Variants in KCNB2 observed in about 807,000 individuals in gnomAD.
KCNB2 encodes the protein potassium voltage-gated channel subfamily B member 2.
In KCNB2, 15 loss-of-function variants were observed where a neutral mutation model predicts 61.5. That is an observed-to-expected ratio of 0.24 (90% CI 0.16 to 0.38). The LOEUF is 0.38. Ranked by LOEUF, KCNB2 falls within the 10% of genes least tolerant of loss-of-function variation. The probability of loss-of-function intolerance (pLI) is 1.00; values close to 1 mark genes in which losing one functional copy is unlikely to be tolerated. For missense variants in KCNB2, 828 were observed against 1,125.2 expected (o/e 0.74, Z 3.78); for synonymous variants, 457 against 446.0 (o/e 1.02, Z -0.31).
At chr8:72,694,466 A>C (rs1309699789) in intron 2 of KCNB2, among the ~76,000 whole-genome samples, 3 of 152,192 alleles carry the variant, frequency 2.0e-5, no homozygotes, top group African/African-American at 7.2e-5. Flanking sequence ...ACCAAAAATA[A>C]ATCCATGATG....
chr8:72,920,485 A>ATATATATATG lies in KCNB2; in HGVS notation c.580-15447_580-15446insATATATGTAT, dbSNP rs1806500948. ...TCTATCTATCTATCTATATATATATATATTAGCTGGCCATGGTGGTGTGCA... is the reference window on the plus strand; with the variant it reads ...TCTATCTATCTATCTATATATATATATATATATATGTATTAGCTGGCCATGGTGGTGTGCA... On this transcript the variant is annotated intron_variant, in intron 2 of 2. Transcript: ENST00000523207. Among the ~76,000 whole-genome samples the ATATATATATG allele has an allele frequency of 1.5e-5, 2 of 134,418 alleles. 1 individual carries two copies. Among genetic ancestry groups the ATATATATATG allele is most frequent in the South Asian group, 4.7e-4 (2 of 4,274 alleles). The allele number at this position is 134,418 out of a possible 152,430, so 88.2% of individuals were successfully genotyped here.
intron 2 of KCNB2, among the ~76,000 whole-genome samples, chr8:72,598,921 C>CA (rs1807243842): frequency 1.3e-5 from 2 of 152,116 alleles, no homozygotes; most frequent in African/African-American, 4.8e-5. Flanking sequence ...AGGAGAACTG[C>CA]AAACCACAAC....
intron 2 of KCNB2, among the ~76,000 whole-genome samples, chr8:72,935,547 C>T (rs1400342520): frequency 6.6e-6 from 1 of 152,172 alleles, no homozygotes; most frequent in African/African-American, 2.4e-5. Flanking sequence ...TTCTGTCTAG[C>T]TTACATGGCA....
chr8:72,798,084 A>G (rs899020542), intron 2 of KCNB2, among the ~76,000 whole-genome samples: 2 of 151,894 alleles, frequency 1.3e-5, no homozygotes, highest in African/African-American at 4.8e-5. Flanking sequence ...TGATGGGTCA[A>G]GGTTGGAAAA....
At chr8:72,608,545 T>C (rs1805489819) in intron 2 of KCNB2, among the ~76,000 whole-genome samples, 1 of 151,840 alleles carries the variant, frequency 6.6e-6, no homozygotes, top group Admixed American at 6.6e-5. Context: ...GATGGGGAAG[T>C]AAAGGCTGTA....
At chr8:72,571,664 T>C (rs1284333278) in intron 2 of KCNB2, among the ~76,000 whole-genome samples, 6 of 152,178 alleles carry the variant, frequency 3.9e-5, no homozygotes, top group Non-Finnish European at 8.8e-5. Context: ...TAGAAATAAT[T>C]TACACAGTTT....
intron 2 of KCNB2, among the ~76,000 whole-genome samples, chr8:72,925,977 C>T (rs1806637990): frequency 6.6e-6 from 1 of 152,142 alleles, no homozygotes; most frequent in Admixed American, 6.5e-5. Context: ...CCATTATCCT[C>T]AGCAAAGTAA....
intron 2 of KCNB2, among the ~76,000 whole-genome samples, chr8:72,606,055 A>G (rs994240696): frequency 3.9e-5 from 6 of 152,220 alleles, no homozygotes; most frequent in African/African-American, 1.4e-4. Context: ...AACAGGACTC[A>G]AAGCTGGTGA....
rs1213905712 is a variant in KCNB2 at position 72,936,925 on chromosome 8, C to A, written c.1570C>A (p.Leu524Met). 1 of 1,614,034 alleles carries A rather than the reference C, an allele frequency of 6.2e-7. No homozygotes were observed. The highest frequency in any genetic ancestry group is 1.3e-5 in the African/African-American group (1 of 74,910). Residue 524 changes from leucine (L) to methionine (M), a missense_variant, in exon 3 of 3, where the codon CTG (leucine) becomes ATG (methionine). Physicochemically the swap from Leu to Met is conservative, Grantham distance 15. This residue lies in a region of KCNB2 where 559 missense variants were observed against 588.4 expected (regional missense o/e 0.95). Coordinates refer to ENST00000523207, the MANE Select transcript of KCNB2 (RefSeq NM_004770.3). The surrounding 1 kb of genome is among the most constrained non-coding windows in gnomAD (Gnocchi z 5.6). ...TAGCCAAAAAGACTCCCACGAGCAG[C>A]TGAACAACACGTCTTCCTCCAGCCC... ...EVSQKDSHEQ[L>M]NNTSSSSPQH...
At chr8:72,739,013 C>T (rs1267507223) in intron 2 of KCNB2, among the ~76,000 whole-genome samples, 1 of 152,044 alleles carries the variant, frequency 6.6e-6, no homozygotes. Flanking sequence ...TCTTTTCTTT[C>T]TCTTTGAATT....
At chr8:72,711,532 C>T (rs930459253) in intron 2 of KCNB2, among the ~76,000 whole-genome samples, 2 of 152,150 alleles carry the variant, frequency 1.3e-5, no homozygotes, top group African/African-American at 4.8e-5. Flanking sequence ...GCTCATTTTT[C>T]AAGATTCACA....
chr8:72,580,657 C>A (rs1362225431), intron 2 of KCNB2, among the ~76,000 whole-genome samples: 4 of 152,170 alleles, frequency 2.6e-5, no homozygotes, highest in Admixed American at 6.5e-5. Flanking sequence ...ATGGAGCCCC[C>A]TTCCATTTCC....
chr8:72,909,473 C>T (rs948428385), intron 2 of KCNB2, among the ~76,000 whole-genome samples: 1 of 151,986 alleles, frequency 6.6e-6, no homozygotes, highest in Non-Finnish European at 1.5e-5. Context: ...CTGTAGAGTT[C>T]GGCAGGACAA....
chr8:72,779,312 CCTAGTG>C, intron 2 of KCNB2, among the ~76,000 whole-genome samples: 1 of 151,790 alleles, frequency 6.6e-6, no homozygotes, highest in Admixed American at 6.6e-5. Flanking sequence ...TTCAATTTCA[CCTAGTG>C]CTGACCATAG....
intron 2 of KCNB2, among the ~76,000 whole-genome samples, chr8:72,646,572 A>G (rs1806132164): frequency 6.6e-6 from 1 of 152,192 alleles, no homozygotes; most frequent in South Asian, 2.1e-4. Context: ...GACATATGCT[A>G]CAACATGGAT....
intron 2 of KCNB2, among the ~76,000 whole-genome samples, chr8:72,616,794 A>C (rs1290543385): frequency 6.6e-6 from 1 of 152,204 alleles, no homozygotes; most frequent in African/African-American, 2.4e-5. Flanking sequence ...GCACAGAGAG[A>C]AAATTAATAA....
intron 2 of KCNB2, among the ~76,000 whole-genome samples, chr8:72,602,405 T>G (rs932251884): frequency 2.0e-5 from 3 of 152,180 alleles, no homozygotes; most frequent in African/African-American, 7.2e-5. Context: ...CCTGCTAAAT[T>G]TTAGTCAAAG....
chr8:72,702,209 A>C (rs548827455), intron 2 of KCNB2, among the ~76,000 whole-genome samples: 3 of 152,158 alleles, frequency 2.0e-5, no homozygotes, highest in Non-Finnish European at 4.4e-5. Flanking sequence ...CCTGGGTTCA[A>C]ATTCTGTGCC....
intron 2 of KCNB2, among the ~76,000 whole-genome samples, chr8:72,624,149 T>C (rs1805753638): frequency 6.6e-6 from 1 of 152,342 alleles, no homozygotes; most frequent in African/African-American, 2.4e-5. Flanking sequence ...ATTAGTAAAT[T>C]ACTTAAACAT....
Sources: allele counts gnomAD v4.1 joint callset (sites outside exome capture counted in the v4.1 genomes callset), GRCh38; gene constraint gnomAD v4.1.1; regional missense constraint gnomAD v4.1.1; non-coding constraint Gnocchi (gnomAD v3.1); transcripts MANE v1.5; gene names NCBI Gene and HGNC (gene_info 2026-07-23, HGNC 2026-07-21).